MYO16: variants seen among roughly 807,000 people sequenced by gnomAD.
MYO16 encodes the protein unconventional myosin-XVI.
A neutral mutation model predicts 205.3 loss-of-function variants in MYO16; 94 were observed. The ratio of observed to expected loss-of-function variants is 0.46; its 90% CI spans 0.39 to 0.54. MYO16 has a LOEUF of 0.54. MYO16 is among the 20% of genes least tolerant of loss of function. The probability of loss-of-function intolerance (pLI) is 0.00; values close to 1 mark genes in which losing one functional copy is unlikely to be tolerated. For synonymous variants in MYO16, 988 were observed against 954.0 expected (o/e 1.04, Z -0.66); for missense variants, 2,315 against 2,387.5 (o/e 0.97, Z 0.63).
chr13:109,024,159 C>T (rs1440561669), intron 23 of MYO16, among the ~76,000 whole-genome samples: 1 of 150,334 alleles, frequency 6.7e-6, no homozygotes, highest in Non-Finnish European at 1.5e-5. Flanking sequence ...TGAGAGATTT[C>T]ACTATTACAA....
chr13:108,508,237 T>C, the MYO16 span, among the ~76,000 whole-genome samples: 1 of 131,914 alleles, frequency 7.6e-6, no homozygotes, highest in Non-Finnish European at 1.6e-5. Flanking sequence ...AGTTTTTTGC[T>C]GAAACTTGGG....
intron 9 of MYO16, among the ~76,000 whole-genome samples, chr13:108,841,621 C>A (rs192096050): frequency 1.3e-5 from 2 of 152,142 alleles, no homozygotes; most frequent in Admixed American, 6.5e-5. Context: ...TTGCCAAGAG[C>A]TTATCTGATA....
chr13:108,508,427 T>C, the MYO16 span, among the ~76,000 whole-genome samples: 1 of 152,196 alleles, frequency 6.6e-6, no homozygotes, highest in Non-Finnish European at 1.5e-5. Flanking sequence ...GTTTCTTTTC[T>C]TGGAGTTTGT....
intron 2 of MYO16, among the ~76,000 whole-genome samples, chr13:108,710,322 T>C (rs1883670660): frequency 6.6e-6 from 1 of 152,216 alleles, no homozygotes; most frequent in South Asian, 2.1e-4. Flanking sequence ...CTCCTTTGCC[T>C]TGTATATTTC....
At chr13:108,813,237 G>A (rs893531599) in intron 7 of MYO16, among the ~76,000 whole-genome samples, 1 of 152,132 alleles carries the variant, frequency 6.6e-6, no homozygotes, top group Non-Finnish European at 1.5e-5. Context: ...AGAAATCATA[G>A]TTGAATCATT....
chr13:108,735,985 G>A (rs1884684426), intron 4 of MYO16, among the ~76,000 whole-genome samples: 1 of 63,370 alleles, frequency 1.6e-5, no homozygotes, highest in South Asian at 4.5e-4. Context: ...CTTTTTGATG[G>A]GGTTGTTTGT....
At chr13:108,717,215 G>A (rs1883978657) in intron 3 of MYO16, among the ~76,000 whole-genome samples, 1 of 152,120 alleles carries the variant, frequency 6.6e-6, no homozygotes, top group Admixed American at 6.6e-5. Flanking sequence ...CTCCACCTCA[G>A]ACTATAGCCA....
intron 4 of MYO16, among the ~76,000 whole-genome samples, chr13:108,744,009 T>C (rs1258296261): frequency 6.6e-6 from 1 of 152,246 alleles, no homozygotes; most frequent in Non-Finnish European, 1.5e-5. Flanking sequence ...TACCCTTTCG[T>C]AGAGAATAAG....
At chr13:109,054,059 A>G (rs910248897) in intron 25 of MYO16, among the ~76,000 whole-genome samples, 2 of 152,104 alleles carry the variant, frequency 1.3e-5, no homozygotes, top group Non-Finnish European at 2.9e-5. Context: ...TAAGTCCATT[A>G]GTCTAATATA....
At chr13:109,091,545 A>G (rs1888623522) in intron 27 of MYO16, among the ~76,000 whole-genome samples, 1 of 152,144 alleles carries the variant, frequency 6.6e-6, no homozygotes, top group Admixed American at 6.5e-5. Flanking sequence ...CGCCACAGTC[A>G]CCAAATCCCA....
chr13:108,995,271 T>C (rs930958476), intron 21 of MYO16, among the ~76,000 whole-genome samples: 2 of 152,070 alleles, frequency 1.3e-5, no homozygotes, highest in Admixed American at 6.6e-5. Context: ...GGCAGCTCTC[T>C]GGGGCTTCCT....
chr13:108,692,650 A>G (rs1454579464), intron 2 of MYO16, among the ~76,000 whole-genome samples: 1 of 152,194 alleles, frequency 6.6e-6, no homozygotes, highest in Non-Finnish European at 1.5e-5. Flanking sequence ...CACACGGCGC[A>G]TATCTTTCTA....
At chr13:108,921,096 C>T (rs1881728156) in intron 16 of MYO16, among the ~76,000 whole-genome samples, 1 of 152,250 alleles carries the variant, frequency 6.6e-6, no homozygotes, top group African/African-American at 2.4e-5. Context: ...CTGGACCAAG[C>T]CCGTCTGCCT....
chr13:108,522,778 G>GTC, the MYO16 span, among the ~76,000 whole-genome samples: 6 of 151,688 alleles, frequency 4.0e-5, no homozygotes, highest in Non-Finnish European at 5.9e-5. Flanking sequence ...GTGTGTGTGT[G>GTC]TGTGTGTCTG....
chr13:108,691,383 G>T (rs1011955264), intron 2 of MYO16, among the ~76,000 whole-genome samples: 1 of 151,836 alleles, frequency 6.6e-6, no homozygotes, highest in East Asian at 1.9e-4. Context: ...ATAAATTAGA[G>T]GTGTAGGGGT....
At chr13:108,809,924 A>G (rs1338260009) in intron 7 of MYO16, among the ~76,000 whole-genome samples, 1 of 152,146 alleles carries the variant, frequency 6.6e-6, no homozygotes, top group Non-Finnish European at 1.5e-5. Context: ...TGAGAACCAT[A>G]AACATCTATA....
At position 109,140,936 on chromosome 13, in the gene MYO16, C is replaced by CCGCG; in HGVS notation, c.4725_4728dup (p.Ser1577ArgfsTer149). ...AGCCAGAAGGGCGACGGCGACAGGCCCGCGTCCCCCGGCCTGGCGCTGTTC... is the reference window on the plus strand; with the variant it reads ...AGCCAGAAGGGCGACGGCGACAGGCCCGCGCGCGTCCCCCGGCCTGGCGCTGTTC... On this transcript the variant is annotated frameshift_variant, in exon 32 of 35. Transcript: ENST00000457511. LOFTEE classifies it high-confidence loss of function. The surrounding 1 kb of genome is among the most constrained non-coding windows in gnomAD (Gnocchi z 8.0). 6.4e-7 allele frequency: 1 copy of CCGCG among 1,555,676 alleles called. No individual in the cohort carries two copies. Among genetic ancestry groups the CCGCG allele is most frequent in the Non-Finnish European group, 8.7e-7 (1 of 1,153,734 alleles).
intron 13 of MYO16, among the ~76,000 whole-genome samples, chr13:108,886,080 C>T (rs1175943834): frequency 6.6e-6 from 1 of 152,022 alleles, no homozygotes; most frequent in Non-Finnish European, 1.5e-5. Context: ...CTCCGCCTCC[C>T]GGGTTGACGT....
chr13:108,801,330 A>G (rs1266710990), intron 6 of MYO16, among the ~76,000 whole-genome samples: 3 of 152,216 alleles, frequency 2.0e-5, no homozygotes, highest in Non-Finnish European at 4.4e-5. Flanking sequence ...GGTCTGTGCA[A>G]ATACATTCTT....
Sources: gnomAD v4.1 joint callset for allele counts (sites outside exome capture counted in the v4.1 genomes callset) on GRCh38, gnomAD v4.1.1 for gene constraint, Gnocchi (gnomAD v3.1) non-coding constraint, MANE v1.5 for transcripts, NCBI Gene and HGNC (gene_info 2026-07-23, HGNC 2026-07-21) for gene names.